The following CNTNAP2 variants were observed in gnomAD, a reference collection of about 807,000 sequenced individuals.
CNTNAP2 encodes contactin-associated protein-like 2.
Under a neutral mutation model 155.2 loss-of-function variants are expected in CNTNAP2, and 98 were observed. That is an observed-to-expected ratio of 0.63 (90% CI 0.54 to 0.75). The LOEUF (loss-of-function observed/expected upper bound fraction) is 0.75. Ranked by LOEUF, CNTNAP2 falls within the 30% of genes least tolerant of loss-of-function variation. CNTNAP2 has a pLI of 0.00. For synonymous variants in CNTNAP2, 651 were observed against 631.2 expected (o/e 1.03, Z -0.47); for missense variants, 1,727 against 1,688.1 (o/e 1.02, Z -0.40).
intron 9 of CNTNAP2, among the ~76,000 whole-genome samples, chr7:147,355,469 C>A (rs111976753): frequency 1.9e-4 from 29 of 151,762 alleles, no homozygotes; most frequent in African/African-American, 6.0e-4. Context: ...GATACAGATA[C>A]AAAAAACCTT....
chr7:146,184,725 G>A (rs1467985368), intron 1 of CNTNAP2, among the ~76,000 whole-genome samples: 1 of 152,138 alleles, frequency 6.6e-6, no homozygotes, highest in Non-Finnish European at 1.5e-5. Flanking sequence ...TGGCTCAAAG[G>A]ATAATCTAGT....
intron 15 of CNTNAP2, among the ~76,000 whole-genome samples, chr7:148,103,348 A>C (rs1804144750): frequency 6.6e-6 from 1 of 152,098 alleles, no homozygotes; most frequent in African/African-American, 2.4e-5. Flanking sequence ...CGCAGCAGCA[A>C]CTTCTGGTGA....
chr7:147,999,731 G>T (rs73466116), intron 15 of CNTNAP2, among the ~76,000 whole-genome samples: 6 of 151,880 alleles, frequency 4.0e-5, no homozygotes, highest in East Asian at 1.9e-4. Context: ...AAGAGAAAGC[G>T]CACACACACA....
rs149315867 is a variant in CNTNAP2, at chr7:148,388,606, C to T, written c.3715+4718C>T. On this transcript the variant is annotated intron_variant, in intron 22 of 23. Transcript: ENST00000361727. ...TGTGAATAGTGGAGGAGGAGAGGTG[C>T]TCTGCTTTTTAGAGTTTCCAGTTTT... Among the ~76,000 whole-genome samples the T allele has an allele frequency of 4.2e-3, 642 of 152,200 alleles. 5 individuals carry two copies. Among genetic ancestry groups the T allele is most frequent in the African/African-American group, 0.015 (618 of 41,526 alleles).
intron 1 of CNTNAP2, among the ~76,000 whole-genome samples, chr7:146,517,713 A>G (rs1404704573): frequency 1.3e-5 from 2 of 151,934 alleles, no homozygotes; most frequent in Non-Finnish European, 2.9e-5. Context: ...GATGGGCATT[A>G]ATGGAAGCAG....
chr7:147,600,105 G>GA (rs1800915019), intron 12 of CNTNAP2, among the ~76,000 whole-genome samples: 1 of 152,158 alleles, frequency 6.6e-6, no homozygotes, highest in Non-Finnish European at 1.5e-5. Flanking sequence ...CTTTCCTCAT[G>GA]CAGGAAATTG....
At chr7:147,624,096 A>G (rs1230206206) in intron 12 of CNTNAP2, among the ~76,000 whole-genome samples, 1 of 152,150 alleles carries the variant, frequency 6.6e-6, no homozygotes, top group Non-Finnish European at 1.5e-5. Flanking sequence ...CTCTCAACAT[A>G]TACAAAAAGC....
chr7:146,991,982 A>G (rs1393433310), intron 3 of CNTNAP2, among the ~76,000 whole-genome samples: 2 of 152,144 alleles, frequency 1.3e-5, no homozygotes, highest in Non-Finnish European at 2.9e-5. Flanking sequence ...CTCACTCAGC[A>G]AACACTATTC....
At chr7:146,262,974 G>T (rs984235135) in intron 1 of CNTNAP2, among the ~76,000 whole-genome samples, 2 of 152,156 alleles carry the variant, frequency 1.3e-5, no homozygotes, top group African/African-American at 4.8e-5. Flanking sequence ...TGGTGGGCTT[G>T]TGGGTAGTGG....
At chr7:147,464,332 T>G (rs1453146619) in intron 10 of CNTNAP2, among the ~76,000 whole-genome samples, 2 of 151,954 alleles carry the variant, frequency 1.3e-5, no homozygotes, top group African/African-American at 4.8e-5. Context: ...CTGGGCCTGG[T>G]GACGCATGCC....
chr7:146,195,962 G>C (rs986603602), intron 1 of CNTNAP2, among the ~76,000 whole-genome samples: 6 of 152,112 alleles, frequency 3.9e-5, no homozygotes, highest in African/African-American at 1.4e-4. Context: ...CTATTATAAA[G>C]AGATCCATCA....
At chr7:147,551,263 AT>A (rs1368878737) in intron 11 of CNTNAP2, among the ~76,000 whole-genome samples, 2 of 152,206 alleles carry the variant, frequency 1.3e-5, no homozygotes, top group Non-Finnish European at 2.9e-5. Flanking sequence ...TAAAGTCAGA[AT>A]AAAGATCACA....
intron 18 of CNTNAP2, among the ~76,000 whole-genome samples, chr7:148,181,902 C>T (rs1255924037): frequency 7.3e-5 from 11 of 151,716 alleles, no homozygotes; most frequent in Admixed American, 5.2e-4. Context: ...GGACTACAGG[C>T]GCCTGCCACC....
intron 11 of CNTNAP2, among the ~76,000 whole-genome samples, chr7:147,511,177 T>A (rs996069659): frequency 6.6e-6 from 1 of 151,986 alleles, no homozygotes; most frequent in Non-Finnish European, 1.5e-5. Context: ...ACAACTGCAG[T>A]CCTTTGCAGT....
chr7:146,442,950 C>G (rs1442581010), intron 1 of CNTNAP2, among the ~76,000 whole-genome samples: 1 of 151,846 alleles, frequency 6.6e-6, no homozygotes, highest in African/African-American at 2.4e-5. Flanking sequence ...CTGACGCCTG[C>G]AATCCCAGCA....
intron 13 of CNTNAP2, among the ~76,000 whole-genome samples, chr7:147,830,190 G>A (rs1368100208): frequency 6.6e-6 from 1 of 151,720 alleles, no homozygotes; most frequent in Non-Finnish European, 1.5e-5. Context: ...CATAAACTAG[G>A]TGGCTTATAA....
intron 15 of CNTNAP2, among the ~76,000 whole-genome samples, chr7:148,038,792 A>T (rs1802616431): frequency 7.8e-6 from 1 of 128,920 alleles, no homozygotes. Context: ...AGGCTTCTCC[A>T]AAGAGAGAGA....
At chr7:147,936,380 T>C (rs1800608404) in intron 14 of CNTNAP2, among the ~76,000 whole-genome samples, 1 of 151,812 alleles carries the variant, frequency 6.6e-6, no homozygotes, top group Non-Finnish European at 1.5e-5. Context: ...TTGCTAGAAG[T>C]GGTCACTTCA....
chr7:146,136,829 C>T (rs67518892), intron 1 of CNTNAP2, among the ~76,000 whole-genome samples: 8,235 of 152,202 alleles, frequency 0.054, 256 homozygotes, highest in Middle Eastern at 0.11. Flanking sequence ...GTTGGGTTTA[C>T]GTTGCTTTGC....
Sources: gnomAD v4.1 joint callset for allele counts (sites outside exome capture counted in the v4.1 genomes callset) on GRCh38, gnomAD v4.1.1 for gene constraint, MANE v1.5 for transcripts, NCBI Gene and HGNC (gene_info 2026-07-23, HGNC 2026-07-21) for gene names.